SMG9: variants seen among roughly 807,000 people sequenced by gnomAD.
The protein encoded by SMG9 is SMG9 nonsense mediated mRNA decay factor.
A neutral mutation model predicts 64.0 loss-of-function variants in SMG9; 55 were observed. The observed-to-expected ratio is 0.86, with a 90% confidence interval of 0.69 to 1.08. The LOEUF (loss-of-function observed/expected upper bound fraction) is 1.08. Ranked by LOEUF, SMG9 falls within the 50% of genes least tolerant of loss-of-function variation. SMG9 has a pLI of 0.00. For synonymous variants in SMG9, 244 were observed against 254.8 expected (o/e 0.96, Z 0.41); for missense variants, 554 against 681.3 (o/e 0.81, Z 2.08).
intron 1 of SMG9, among the ~76,000 whole-genome samples, chr19:43,751,380 A>C (rs906564496): frequency 9.9e-5 from 15 of 151,844 alleles, no homozygotes; most frequent in African/African-American, 3.6e-4. Context: ...CAGGCAATCC[A>C]CCTGCCTCAG....
At chr19:43,740,864 G>A (rs1348471569) in intron 6 of SMG9, among the ~76,000 whole-genome samples, 1 of 152,126 alleles carries the variant, frequency 6.6e-6, no homozygotes, top group Non-Finnish European at 1.5e-5. Flanking sequence ...GGCAGAGCAG[G>A]GCCGTGCCCT....
Position 43,747,802 on chromosome 19 carries a change from C to T in SMG9, c.321G>A (p.Gly107=). 1 of 1,605,114 alleles carries T rather than the reference C, an allele frequency of 6.2e-7. No homozygotes were observed. The highest frequency in any genetic ancestry group is 8.5e-7 in the Non-Finnish European group (1 of 1,175,478). ...CACCTGTCACGGCCACAGGCCCCTT[C>T]CCCTCCTCCCGTGGCTTCATGAGAA... The part of the protein sequence containing the change: ...PIVLMKPREE[G]KGPVAVTGAS... Residue 107 remains glycine (G), a synonymous_variant, in exon 4 of 14, where the codon GGG becomes GGA. Coordinates refer to ENST00000270066, the MANE Select transcript of SMG9 (RefSeq NM_019108.4).
In SMG9 at chr19:43,729,536, C is replaced by T. The variant is rs58361852; in HGVS notation, c.*2060G>A. ...GCTGGGATGGAAGAAACTGAAGCTC[C>T]AACTCTCCTGGACTGAGTTGCATGC... On this transcript the variant is annotated 3_prime_UTR_variant, in exon 14 of 14. Transcript: ENST00000270066. The T allele has an allele frequency of 0.023, 3,485 of 152,394 alleles. 140 individuals carry two copies. The highest frequency in any genetic ancestry group is 0.078 in the African/African-American group (3,236 of 41,544). The allele number at this position is 152,394 out of a possible 1,614,324, so 9.4% of individuals were successfully genotyped here.
chr19:43,733,956 C>T (rs1019599336), intron 10 of SMG9: 11 of 578,164 alleles, frequency 1.9e-5, no homozygotes, highest in African/African-American at 5.6e-5. Context: ...GAGGCCCTAG[C>T]GAGGGATCAT....
At chr19:43,736,135 C>T (rs1342999979) in intron 9 of SMG9, among the ~76,000 whole-genome samples, 31 of 152,190 alleles carry the variant, frequency 2.0e-4, no homozygotes, top group Admixed American at 2.0e-3. Context: ...ATCCCTGTCC[C>T]CAGGGTTACT....
intron 10 of SMG9, chr19:43,734,177 G>C (rs1162958437): frequency 1.7e-6 from 1 of 580,994 alleles, no homozygotes; most frequent in Non-Finnish European, 3.1e-6. Context: ...AGGCTCAGGG[G>C]TCATGCCCTC....
In SMG9 at chr19:43,747,973, C is replaced by T. The variant is rs758403522; in HGVS notation, c.225+5G>A. On this transcript the variant is annotated splice_donor_5th_base_variant and intron_variant, in intron 3 of 13. Coordinates refer to ENST00000270066, the MANE Select transcript of SMG9 (RefSeq NM_019108.4). ...GCTCCCCCTCCTCCCTCCTTCTCTG[C>T]TCACCCGCTCTGCTGGAGGTTTTGA... 2.5e-6 allele frequency: 4 copies of T among 1,614,184 alleles called. No individual in the cohort carries two copies. The highest frequency in any genetic ancestry group is 2.5e-6 in the Non-Finnish European group (3 of 1,180,046).
intron 6 of SMG9, among the ~76,000 whole-genome samples, chr19:43,743,525 G>A (rs1431497462): frequency 6.6e-6 from 1 of 152,202 alleles, no homozygotes; most frequent in Non-Finnish European, 1.5e-5. Context: ...GCCAACGGTG[G>A]TGGCTCACAC....
intron 5 of SMG9, among the ~76,000 whole-genome samples, chr19:43,745,368 T>G (rs1238265637): frequency 6.6e-6 from 1 of 152,110 alleles, no homozygotes; most frequent in Non-Finnish European, 1.5e-5. Context: ...TTTTTTTGTT[T>G]TTTTTTACAT....
chr19:43,747,296 G>A (rs1969044538), intron 5 of SMG9, 146 bp downstream of exon 5: 2 of 718,380 alleles, frequency 2.8e-6, no homozygotes, highest in African/African-American at 3.5e-5. Context: ...ATTCCGCTCT[G>A]GTTAGGTGAG....
chr19:43,731,456 T>C lies in SMG9; in HGVS notation c.*140A>G, dbSNP rs533617818. On this transcript the variant is annotated 3_prime_UTR_variant, in exon 14 of 14. Coordinates refer to ENST00000270066, the MANE Select transcript of SMG9 (RefSeq NM_019108.4). ...GGGGCCTGGCCCTGGACACCTCATGTCTCTGGGCCGGGAAGCCACGATCCC... is the reference window on the plus strand; with the variant it reads ...GGGGCCTGGCCCTGGACACCTCATGCCTCTGGGCCGGGAAGCCACGATCCC... 2 of 1,481,128 alleles carry C rather than the reference T, an allele frequency of 1.4e-6. No individual in the cohort carries two copies. The highest frequency in any genetic ancestry group is 1.8e-6 in the Non-Finnish European group (2 of 1,112,494). The allele number at this position is 1,481,128 out of a possible 1,614,324, so 91.7% of individuals were successfully genotyped here.
At chr19:43,736,807 G>A (rs1186236169) in intron 9 of SMG9, among the ~76,000 whole-genome samples, 1 of 152,196 alleles carries the variant, frequency 6.6e-6, no homozygotes, top group Non-Finnish European at 1.5e-5. Flanking sequence ...AGAAGTGAGG[G>A]AGAGTAACAG....
rs773896498 is a variant in SMG9 at position 43,747,741 on chromosome 19, C to T, written c.382G>A (p.Ala128Thr). The change falls in exon 4 of 14, where the codon GCA (alanine) becomes ACA (threonine). Residue 128 changes from alanine (A) to threonine (T), a missense_variant. Ala to Thr is a moderately conservative substitution (Grantham distance 58). Transcript: ENST00000270066. Reference protein sequence around the residue: ...TPEGTAPPPPAAPAPPKGEKE... With the variant: ...TPEGTAPPPPTAPAPPKGEKE... ...TCCCCCTTGGGTGGCGCAGGGGCTG[C>T]AGGGGGTGGTGGGGCGGTGCCCTCA... 5.4e-5 allele frequency: 87 copies of T among 1,610,666 alleles called. No homozygotes were observed. In the Middle Eastern group the frequency reaches 1.0e-3, roughly 19 times the overall value.
intron 5 of SMG9, 117 bp downstream of exon 5, chr19:43,747,325 C>G: frequency 2.2e-6 from 2 of 893,398 alleles, no homozygotes; most frequent in African/African-American, 1.6e-5. Context: ...GATACCACCC[C>G]CTCTCACTGC....
rs1382662410 is a variant in SMG9, at chr19:43,728,879, G to GTT, written c.*2716_*2717insAA. On this transcript the variant is annotated 3_prime_UTR_variant, in exon 14 of 14. Coordinates refer to ENST00000270066, the MANE Select transcript of SMG9 (RefSeq NM_019108.4). ...TATTCCTGTGTCTGAATTGAAAAGC[G>GTT]TGAGTTCCACCTGCTGGGAATGATG... The GTT allele has an allele frequency of 1.8e-6, 1 of 551,450 alleles. No individual in the cohort carries two copies. The allele number at this position is 551,450 out of a possible 1,614,324, so 34.2% of individuals were successfully genotyped here. A position where few individuals can be genotyped will look rare whatever the true frequency, so the allele number is the denominator to read the frequency against.
chr19:43,749,526 C>T (rs10426756), intron 2 of SMG9, among the ~76,000 whole-genome samples: 3,293 of 152,270 alleles, frequency 0.022, 112 homozygotes, highest in African/African-American at 0.073. Context: ...AGAGAGACTA[C>T]GTGTTCTCAT....
In SMG9 at chr19:43,728,833, A is replaced by G; in HGVS notation, c.*2763T>C. 4.5e-6 allele frequency: 1 copy of G among 224,414 alleles called. No individual in the cohort carries two copies. Among genetic ancestry groups the G allele is most frequent in the Non-Finnish European group, 7.5e-6 (1 of 134,156 alleles). 13.9% of individuals were successfully genotyped at this position (224,414 alleles called of 1,614,324 possible). On this transcript the variant is annotated 3_prime_UTR_variant, in exon 14 of 14. Transcript: ENST00000270066. ...GCGGTGCTCATGTTTCCTGCAGTGG[A>G]GGGTGAGAAGGATACCAATGTATTC...
At chr19:43,753,642 G>A (rs1969262410) in intron 1 of SMG9, among the ~76,000 whole-genome samples, 1 of 151,900 alleles carries the variant, frequency 6.6e-6, no homozygotes, top group Non-Finnish European at 1.5e-5. Flanking sequence ...TGCATTTTCA[G>A]TAGAGACGGG....
intron 1 of SMG9, among the ~76,000 whole-genome samples, chr19:43,753,469 T>C (rs904012346): frequency 6.1e-5 from 9 of 148,518 alleles, no homozygotes; most frequent in Non-Finnish European, 1.2e-4. Context: ...TTTTTTTTTT[T>C]TTTTTTTTTT....
Sources: gnomAD v4.1 joint callset for allele counts (sites outside exome capture counted in the v4.1 genomes callset) on GRCh38, gnomAD v4.1.1 for gene constraint, MANE v1.5 for transcripts, NCBI Gene and HGNC (gene_info 2026-07-23, HGNC 2026-07-21) for gene names.